MYH9: variants seen among roughly 807,000 people sequenced by gnomAD.
MYH9 encodes the protein myosin-9.
In MYH9, 29 loss-of-function variants were observed where a neutral mutation model predicts 241.9. That is an observed-to-expected ratio of 0.12 (90% CI 0.09 to 0.16). The LOEUF is 0.16. Ranked by LOEUF, MYH9 falls within the 10% of genes least tolerant of loss-of-function variation. MYH9 has a pLI of 1.00. For missense variants in MYH9, 1,803 were observed against 2,595.5 expected (o/e 0.69, Z 6.63); for synonymous variants, 1,047 against 1,062.6 (o/e 0.99, Z 0.29).
rs199644052 is a variant in MYH9 at position 36,306,594 on chromosome 22, G to A, written c.1857C>T (p.Ile619=). 1.7e-5 allele frequency: 28 copies of A among 1,613,134 alleles called. No homozygotes were observed. Among genetic ancestry groups the A allele is most frequent in the African/African-American group, 2.7e-5 (2 of 75,044 alleles). Residue 619 remains isoleucine (I), a synonymous_variant, in exon 16 of 41, where the codon ATC becomes ATT. Coordinates refer to ENST00000216181, the MANE Select transcript of MYH9 (RefSeq NM_002473.6). The surrounding 1 kb of genome is among the most constrained non-coding windows in gnomAD (Gnocchi z 4.1). The stretch of plus-strand genomic sequence containing the variant: ...ACATGCCGGCCACCTGGTCCAGGCC[G>A]ATGATGCGGTCCACTGTGGAGACCA... ...SELWKDVDRI[I]GLDQVAGMSE...
rs1266646800 is a variant in MYH9, at chr22:36,281,469, C to G, written c.*1199G>C. 1 of 228,170 alleles carries G rather than the reference C, an allele frequency of 4.4e-6. No individual in the cohort carries two copies. Among genetic ancestry groups the G allele is most frequent in the Non-Finnish European group, 8.7e-6 (1 of 114,796 alleles). 14.1% of individuals were successfully genotyped at this position (228,170 alleles called of 1,614,324 possible). On this transcript the variant is annotated 3_prime_UTR_variant, in exon 41 of 41. Coordinates refer to ENST00000216181, the MANE Select transcript of MYH9 (RefSeq NM_002473.6). ...TTCAGAGCTTTGTAGGCATATGCAG[C>G]TTTTATATCACTTCATGATTTGAGA... is the stretch of plus-strand genomic sequence containing the variant.
chr22:36,297,036 C>G (rs187123537), intron 24 of MYH9, 22 bp from the exon 25 acceptor site: 208 of 1,612,894 alleles, frequency 1.3e-4, no homozygotes, highest in Middle Eastern at 9.9e-4. Flanking sequence ...GGGGAGCCCA[C>G]ATAGCCCTCA....
chr22:36,319,837 G>A, intron 9 of MYH9: 1 of 661,396 alleles, frequency 1.5e-6, no homozygotes, highest in Non-Finnish European at 2.7e-6. Flanking sequence ...CCCCCTCCTG[G>A]CCGACATGGC....
At chr22:36,334,217 C>T (rs1182757666) in intron 3 of MYH9, among the ~76,000 whole-genome samples, 1 of 152,232 alleles carries the variant, frequency 6.6e-6, no homozygotes, top group East Asian at 1.9e-4. Context: ...AGTTCAGCAG[C>T]CTCATGCTGG....
intron 19 of MYH9, among the ~76,000 whole-genome samples, chr22:36,303,074 T>C (rs1005598567): frequency 3.3e-5 from 5 of 152,078 alleles, no homozygotes; most frequent in Admixed American, 2.6e-4. Flanking sequence ...ATCTGAGCTT[T>C]TGTTTGGTGG....
intron 28 of MYH9, 58 bp downstream of exon 28, chr22:36,294,034 G>A (rs887372732): frequency 3.8e-6 from 6 of 1,584,800 alleles, no homozygotes; most frequent in Non-Finnish European, 5.2e-6. Flanking sequence ...CTGGGGACCT[G>A]GGCCACAACT....
intron 1 of MYH9, among the ~76,000 whole-genome samples, chr22:36,379,107 T>TA (rs1212888260): frequency 1.3e-5 from 2 of 152,106 alleles, no homozygotes; most frequent in African/African-American, 4.8e-5. Context: ...GATTTCAAAT[T>TA]AGAGTTAAAA....
chr22:36,367,930 T>A (rs1340335110), intron 1 of MYH9, among the ~76,000 whole-genome samples: 1 of 152,100 alleles, frequency 6.6e-6, no homozygotes, highest in African/African-American at 2.4e-5. Flanking sequence ...CACAGACACG[T>A]GCAAAGATCT....
At chr22:36,351,286 C>T (rs1477184491) in intron 1 of MYH9, among the ~76,000 whole-genome samples, 1 of 152,188 alleles carries the variant, frequency 6.6e-6, no homozygotes, top group Non-Finnish European at 1.5e-5. Context: ...GTTGACATTT[C>T]CCAACACAGG....
At chr22:36,372,681 C>T (rs956376204) in intron 1 of MYH9, among the ~76,000 whole-genome samples, 3 of 152,040 alleles carry the variant, frequency 2.0e-5, no homozygotes, top group Non-Finnish European at 4.4e-5. Context: ...GAGGGGAGGA[C>T]GCAAGGAGCT....
At chr22:36,378,402 G>A (rs1050162545) in intron 1 of MYH9, among the ~76,000 whole-genome samples, 1 of 152,166 alleles carries the variant, frequency 6.6e-6, no homozygotes, top group African/African-American at 2.4e-5. Context: ...AGGAGAAAAG[G>A]CGGGGGGTCT....
At chr22:36,374,309 G>A (rs1007358739) in intron 1 of MYH9, among the ~76,000 whole-genome samples, 1 of 152,108 alleles carries the variant, frequency 6.6e-6, no homozygotes, top group African/African-American at 2.4e-5. Flanking sequence ...CCTGAGGTCA[G>A]GAGTTTTTGA....
At chr22:36,354,117 G>C (rs530576524) in intron 1 of MYH9, among the ~76,000 whole-genome samples, 36 of 152,138 alleles carry the variant, frequency 2.4e-4, no homozygotes, top group Middle Eastern at 3.4e-3. Context: ...GGCCTGGCTG[G>C]TCTCAAACTC....
intron 5 of MYH9, chr22:36,324,926 A>G (rs1261405782): frequency 1.6e-6 from 1 of 627,572 alleles, no homozygotes; most frequent in Non-Finnish European, 2.9e-6. Context: ...GATGTAAGGC[A>G]TATGATCTAT....
At chr22:36,368,831 G>A (rs754276170) in intron 1 of MYH9, among the ~76,000 whole-genome samples, 19 of 151,432 alleles carry the variant, frequency 1.3e-4, no homozygotes, top group Non-Finnish European at 2.1e-4. Flanking sequence ...TGCAAAGCCC[G>A]GAAGAGCCTG....
intron 1 of MYH9, among the ~76,000 whole-genome samples, chr22:36,369,718 A>G (rs1186889996): frequency 2.0e-5 from 3 of 152,240 alleles, no homozygotes; most frequent in Admixed American, 6.5e-5. Context: ...CAAAAACCCA[A>G]TTTCACAACT....
chr22:36,302,386 GC>G (rs2016893081), intron 20 of MYH9, 181 bp downstream of exon 20: 1 of 578,790 alleles, frequency 1.7e-6, no homozygotes, highest in African/African-American at 1.9e-5. Context: ...AGTGGCTCAT[GC>G]CTGTAATTCC....
chr22:36,324,413 G>A (rs2017303867), intron 5 of MYH9, among the ~76,000 whole-genome samples: 1 of 152,262 alleles, frequency 6.6e-6, no homozygotes, highest in South Asian at 2.1e-4. Flanking sequence ...TTCTGCCAGT[G>A]GGCCCCAGCT....
At position 36,349,849 on chromosome 22, in the gene MYH9, C is replaced by T. The variant is rs551418508; in HGVS notation, c.-19-594G>A. 3.3e-5 allele frequency among the ~76,000 whole-genome samples: 5 copies of T among 152,318 alleles called. No homozygotes were observed. In the East Asian group the frequency reaches 9.6e-4, roughly 29 times the overall value. On this transcript the variant is annotated intron_variant, in intron 1 of 40. Coordinates refer to ENST00000216181, the MANE Select transcript of MYH9 (RefSeq NM_002473.6). ...TCAAAGACAGATGCAATTCAAGTCG[C>T]TATGCTACAGATACAAAGGTAGCAA...
Sources: gnomAD v4.1 joint callset for allele counts (sites outside exome capture counted in the v4.1 genomes callset) on GRCh38, gnomAD v4.1.1 for gene constraint, Gnocchi (gnomAD v3.1) non-coding constraint, MANE v1.5 for transcripts, NCBI Gene and HGNC (gene_info 2026-07-23, HGNC 2026-07-21) for gene names.